The following SDK1 variants were observed in gnomAD, a reference collection of about 807,000 sequenced individuals.
The protein encoded by SDK1 is sidekick cell adhesion molecule 1.
A neutral mutation model predicts 245.5 loss-of-function variants in SDK1; 157 were observed. The ratio of observed to expected loss-of-function variants is 0.64; its 90% CI spans 0.56 to 0.73. The LOEUF is 0.73. Ranked by LOEUF, SDK1 falls within the 30% of genes least tolerant of loss-of-function variation. The probability of loss-of-function intolerance (pLI) is 0.00; values close to 1 mark genes in which losing one functional copy is unlikely to be tolerated. For synonymous variants in SDK1, 1,647 were observed against 1,278.5 expected, an observed-to-expected ratio of 1.29 and a Z score of -6.15; for missense variants, 3,583 against 3,002.3, an observed-to-expected ratio of 1.19 and a Z score of -4.52.
At chr7:4,205,584 T>A (rs1286538758) in intron 35 of SDK1, among the ~76,000 whole-genome samples, 1 of 152,214 alleles carries the variant, frequency 6.6e-6, no homozygotes, top group Non-Finnish European at 1.5e-5. Context: ...GGTATAATTA[T>A]TTTTCTGTGC....
intron 7 of SDK1, among the ~76,000 whole-genome samples, chr7:3,957,531 G>C (rs975662629): frequency 3.3e-5 from 5 of 152,170 alleles, no homozygotes; most frequent in Non-Finnish European, 5.9e-5. Context: ...ATAAGCAAAT[G>C]TTGTTGTCGA....
intron 1 of SDK1, among the ~76,000 whole-genome samples, chr7:3,355,763 A>C (rs978391766): frequency 6.6e-6 from 1 of 152,220 alleles, no homozygotes; most frequent in African/African-American, 2.4e-5. Context: ...CTCATCTATT[A>C]GTCCCAAATT....
At chr7:3,585,488 G>C (rs1008962438) in intron 1 of SDK1, among the ~76,000 whole-genome samples, 2 of 152,198 alleles carry the variant, frequency 1.3e-5, no homozygotes, top group African/African-American at 4.8e-5. Flanking sequence ...GAGAGAGAAG[G>C]AGGCGCTCTT....
intron 1 of SDK1, among the ~76,000 whole-genome samples, chr7:3,481,952 T>G (rs1363611984): frequency 6.6e-6 from 1 of 151,792 alleles, no homozygotes; most frequent in Non-Finnish European, 1.5e-5. Context: ...TGGAAATAAA[T>G]TATTAAAGCC....
intron 40 of SDK1, among the ~76,000 whole-genome samples, chr7:4,230,904 G>A (rs1345989869): frequency 6.6e-6 from 1 of 152,184 alleles, no homozygotes; most frequent in African/African-American, 2.4e-5. Flanking sequence ...CACAGGCTGT[G>A]CGTAAGTCAT....
At chr7:3,593,142 A>C (rs902139475) in intron 1 of SDK1, among the ~76,000 whole-genome samples, 1 of 152,222 alleles carries the variant, frequency 6.6e-6, no homozygotes, top group Non-Finnish European at 1.5e-5. Context: ...GTTAGGTACT[A>C]TTTGAAGGAG....
intron 4 of SDK1, among the ~76,000 whole-genome samples, chr7:3,781,076 T>G (rs1348486009): frequency 1.3e-5 from 2 of 151,938 alleles, no homozygotes; most frequent in Non-Finnish European, 2.9e-5. Flanking sequence ...GCCCACCTCA[T>G]AGCTCCACCC....
At position 4,011,655 on chromosome 7, in the gene SDK1, C is replaced by A. The variant is rs1785976065; in HGVS notation, c.2280-440C>A. Among the ~76,000 whole-genome samples, 3 of 152,222 alleles carry A rather than the reference C, an allele frequency of 2.0e-5. No homozygotes were observed. In the South Asian group the frequency reaches 6.2e-4, roughly 32 times the overall value. On this transcript the variant is annotated intron_variant, in intron 15 of 44. Coordinates refer to ENST00000404826, the MANE Select transcript of SDK1 (RefSeq NM_152744.4). ...GCACACCTTCCCCAACCAACCTGAG[C>A]TTTCAGTGGGCTTGACTTGTAGAAC... is the stretch of plus-strand genomic sequence containing the variant.
At chr7:3,426,268 A>G (rs1779673741) in intron 1 of SDK1, among the ~76,000 whole-genome samples, 1 of 152,180 alleles carries the variant, frequency 6.6e-6, no homozygotes, top group South Asian at 2.1e-4. Flanking sequence ...ACTGGCAGGA[A>G]GGGACTGCAG....
chr7:3,644,602 G>A (rs1782762519), intron 4 of SDK1, among the ~76,000 whole-genome samples: 2 of 150,466 alleles, frequency 1.3e-5, no homozygotes, highest in Non-Finnish European at 1.5e-5. Flanking sequence ...TATCTCTACT[G>A]AAAATTAAAA....
At chr7:3,750,582 A>G (rs1351016843) in intron 4 of SDK1, among the ~76,000 whole-genome samples, 1 of 152,238 alleles carries the variant, frequency 6.6e-6, no homozygotes, top group African/African-American at 2.4e-5. Flanking sequence ...GCCAGTGGGA[A>G]TTCATAGCCA....
At chr7:3,390,229 T>G (rs946219317) in intron 1 of SDK1, among the ~76,000 whole-genome samples, 1 of 152,186 alleles carries the variant, frequency 6.6e-6, no homozygotes, top group Non-Finnish European at 1.5e-5. Context: ...GGGTGCCCTT[T>G]CTGACAGCCT....
intron 5 of SDK1, among the ~76,000 whole-genome samples, chr7:3,873,955 T>C (rs1781015704): frequency 6.6e-6 from 1 of 152,226 alleles, no homozygotes; most frequent in Non-Finnish European, 1.5e-5. Context: ...TTCTGATCAT[T>C]GTTTTGTCTC....
chr7:3,326,784 C>T (rs1779951179), intron 1 of SDK1, among the ~76,000 whole-genome samples: 1 of 152,162 alleles, frequency 6.6e-6, no homozygotes. Context: ...TTTGGTTCAT[C>T]TACATCCCAC....
intron 4 of SDK1, among the ~76,000 whole-genome samples, chr7:3,682,215 C>T (rs944046373): frequency 6.6e-6 from 1 of 152,192 alleles, no homozygotes; most frequent in Non-Finnish European, 1.5e-5. Flanking sequence ...ACCCATTTCA[C>T]AGATGATATT....
chr7:3,428,738 C>T (rs1009758659), intron 1 of SDK1, among the ~76,000 whole-genome samples: 1 of 152,122 alleles, frequency 6.6e-6, no homozygotes, highest in Admixed American at 6.5e-5. Context: ...CTGACCTTAT[C>T]TGAGGTTATT....
intron 38 of SDK1, among the ~76,000 whole-genome samples, chr7:4,215,845 CT>C (rs1380073495): frequency 1.3e-5 from 2 of 152,320 alleles, no homozygotes; most frequent in Admixed American, 6.5e-5. Context: ...CTCATCCCCC[CT>C]GCCCTGCTCC....
chr7:4,218,212 G>A (rs764920592), intron 38 of SDK1, among the ~76,000 whole-genome samples: 5 of 152,054 alleles, frequency 3.3e-5, no homozygotes, highest in Admixed American at 2.6e-4. Flanking sequence ...AAGACCAGCC[G>A]GGCCAACATG....
At chr7:3,441,808 C>G (rs1238857616) in intron 1 of SDK1, among the ~76,000 whole-genome samples, 6 of 152,170 alleles carry the variant, frequency 3.9e-5, no homozygotes, top group Admixed American at 3.9e-4. Context: ...AAACCATTAT[C>G]TGCGTTTAAA....
Sources: allele counts gnomAD v4.1 joint callset (sites outside exome capture counted in the v4.1 genomes callset), GRCh38; gene constraint gnomAD v4.1.1; transcripts MANE v1.5; gene names NCBI Gene and HGNC (gene_info 2026-07-23, HGNC 2026-07-21).